Variants in NPHP3 observed in about 807,000 individuals in gnomAD.
The protein encoded by NPHP3 is nephrocystin-3.
A neutral mutation model predicts 171.9 loss-of-function variants in NPHP3; 123 were observed. The observed-to-expected ratio is 0.72, with a 90% CI of 0.62 to 0.83. NPHP3 has a LOEUF of 0.83. NPHP3 is among the 40% of genes least tolerant of loss of function. The probability of loss-of-function intolerance (pLI) is 0.00; values close to 1 mark genes in which losing one functional copy is unlikely to be tolerated. For missense variants in NPHP3, 1,506 were observed against 1,591.9 expected (o/e 0.95, Z 0.92); for synonymous variants, 558 against 579.2 (o/e 0.96, Z 0.52).
chr3:132,699,214 A>C (rs1939538923), intron 13 of NPHP3, 139 bp downstream of exon 13: 1 of 646,864 alleles, frequency 1.5e-6, no homozygotes, highest in Non-Finnish European at 2.7e-6. Flanking sequence ...TTTTTTTTTC[A>C]TAAATTCACC....
At chr3:132,718,692 G>A (rs1385302020) in intron 3 of NPHP3, among the ~76,000 whole-genome samples, 1 of 152,148 alleles carries the variant, frequency 6.6e-6, no homozygotes, top group Non-Finnish European at 1.5e-5. Flanking sequence ...CTTTCCCTTG[G>A]CTAAAATGCA....
intron 23 of NPHP3, chr3:132,685,691 T>C (rs1346565964): frequency 6.5e-6 from 1 of 153,992 alleles, no homozygotes; most frequent in Non-Finnish European, 1.4e-5. Context: ...GCACAATATC[T>C]ACACAAACTC....
chr3:132,683,661 T>C, intron 24 of NPHP3, 137 bp from the exon 25 acceptor site: 1 of 654,358 alleles, frequency 1.5e-6, no homozygotes, highest in Non-Finnish European at 2.6e-6. Context: ...CCTATCAGCT[T>C]AATGATTAAG....
At chr3:132,688,069 T>C (rs1939206779) in intron 21 of NPHP3, among the ~76,000 whole-genome samples, 1 of 152,184 alleles carries the variant, frequency 6.6e-6, no homozygotes, top group South Asian at 2.1e-4. Context: ...AAAACCCAAA[T>C]TCTGAAATGC....
In NPHP3 at chr3:132,697,337, G is replaced by A. The variant is rs764570299; in HGVS notation, c.2011C>T (p.Pro671Ser). Residue 671 changes from proline to serine, a missense_variant, in exon 14 of 27, where the codon CCC (proline) becomes TCC (serine). By Grantham distance (74) the Pro-to-Ser change is moderately conservative. Around this residue, in one of 3 missense-constraint regions of NPHP3, gnomAD observed 930 missense variants for 924.9 expected, o/e 1.01. Coordinates refer to ENST00000337331, the MANE Select transcript of NPHP3 (RefSeq NM_153240.5). ...WRLWPTLHLD[P>S]LSPKDAKSII... ...GATTTTGCATCTTTTGGACTTAAGG[G>A]ATCAAGATGAAGTGTAGGCCACAAC... 6.2e-7 allele frequency: 1 copy of A among 1,611,162 alleles called. No homozygotes were observed. The highest frequency in any genetic ancestry group is 2.2e-5 in the East Asian group (1 of 44,784).
In NPHP3 at chr3:132,701,780, T is replaced by C. The variant is rs564796435; in HGVS notation, c.1525-247A>G. Among the ~76,000 whole-genome samples, 34 of 152,272 alleles carry C rather than the reference T, an allele frequency of 2.2e-4. 1 individual carries two copies. The South Asian group carries it at 5.0e-3, about 22-fold the overall frequency. Reference sequence around the variant, plus strand: ...GCTCACGCCTGTAATCCCAGCACTTTGGGAGGCTGAGGCGGGTGGATCATG... The same window carrying C: ...GCTCACGCCTGTAATCCCAGCACTTCGGGAGGCTGAGGCGGGTGGATCATG... On this transcript the variant is annotated intron_variant, in intron 9 of 26. Coordinates refer to ENST00000337331, the MANE Select transcript of NPHP3 (RefSeq NM_153240.5).
At chr3:132,684,422 A>T in intron 24 of NPHP3, 132 bp downstream of exon 24, 1 of 834,304 alleles carries the variant, frequency 1.2e-6, no homozygotes, top group Non-Finnish European at 1.9e-6. Flanking sequence ...GTTACTTGTT[A>T]AAAGTTAAAT....
chr3:132,717,220 A>T (rs1002391696), intron 3 of NPHP3: 1 of 320,674 alleles, frequency 3.1e-6, no homozygotes, highest in South Asian at 3.0e-5. Flanking sequence ...ATTCTAAAAA[A>T]CATTTCCAAC....
chr3:132,682,280 T>G (rs1939051112), intron 26 of NPHP3, 190 bp from the exon 27 acceptor site: 1 of 616,890 alleles, frequency 1.6e-6, no homozygotes, highest in African/African-American at 1.8e-5. Context: ...ATCAGTATTT[T>G]TGTGTCTCAT....
rs1232925085 is a variant in NPHP3 at position 132,696,778 on chromosome 3, T to C, written c.2124A>G (p.Thr708=). Residue 708 remains threonine (T), a synonymous_variant, in exon 15 of 27, where the codon ACA becomes ACG. Transcript: ENST00000337331. The stretch of plus-strand genomic sequence containing the variant: ...GGGTGACATAAAGGGCATTGCAGGT[T>C]GTAGCAGAACGACAGTGTCGTTCTA... ...KKLERHCRSA[T]TCNALYVTLF... is the part of the protein sequence containing the mutation. 3 of 1,614,022 alleles carry C rather than the reference T, an allele frequency of 1.9e-6. No individual in the cohort carries two copies. The highest frequency in any genetic ancestry group is 2.5e-6 in the Non-Finnish European group (3 of 1,180,014).
In NPHP3 at chr3:132,716,868, C is replaced by G. The variant is rs147399998; in HGVS notation, c.712G>C (p.Gly238Arg). The change falls in exon 4 of 27, where the codon GGA becomes CGA. Residue 238 changes from glycine to arginine, a missense_variant. Physicochemically the swap from Gly to Arg is moderately radical, Grantham distance 125. Around this residue, in one of 3 missense-constraint regions of NPHP3, gnomAD observed 930 missense variants for 924.9 expected, o/e 1.01. Coordinates refer to ENST00000337331, the MANE Select transcript of NPHP3 (RefSeq NM_153240.5). The part of the protein sequence containing the change: ...QCEYWTGGAL[G>R]SEPSIGSMIQ... ...ATGCTTCCTATGGAAGGTTCACTTC[C>G]CAAGGCTCCGCCAGTCCAATATTCA... 1.2e-5 allele frequency: 20 copies of G among 1,614,034 alleles called. No homozygotes were observed. The highest frequency in any genetic ancestry group is 1.5e-5 in the Non-Finnish European group (18 of 1,180,022).
At chr3:132,721,773 C>A (rs1940228229) in intron 1 of NPHP3, 190 bp downstream of exon 1, 3 of 795,920 alleles carry the variant, frequency 3.8e-6, no homozygotes, top group Non-Finnish European at 4.2e-6. Context: ...CGCAGCGAGA[C>A]CCTGTCTCCA....
At chr3:132,690,786 AAGTT>A (rs1939280387) in intron 18 of NPHP3, 136 bp from the exon 19 acceptor site, 6 of 882,088 alleles carry the variant, frequency 6.8e-6, no homozygotes, top group Non-Finnish European at 1.0e-5. Context: ...AATACTAAAA[AAGTT>A]AGGTCAAAAT....
At chr3:132,685,011 C>G in intron 23 of NPHP3, 1 of 533,564 alleles carries the variant, frequency 1.9e-6, no homozygotes, top group Non-Finnish European at 3.3e-6. Flanking sequence ...GGATGATTGC[C>G]TCAATTCTCC....
chr3:132,718,076 T>C (rs1940106504), intron 3 of NPHP3: 1 of 454,460 alleles, frequency 2.2e-6, no homozygotes, highest in African/African-American at 2.0e-5. Context: ...CCTTAAAAGT[T>C]AGCAATAAAA....
At chr3:132,685,602 C>T (rs1289771026) in intron 23 of NPHP3, 1 of 152,072 alleles carries the variant, frequency 6.6e-6, no homozygotes, top group African/African-American at 2.4e-5. Flanking sequence ...AATCCTTTTG[C>T]CCAAATAAAC....
In NPHP3 at chr3:132,705,832, A is replaced by G; in HGVS notation, c.1276-18T>C. 1 of 1,346,252 alleles carries G rather than the reference A, an allele frequency of 7.4e-7. No individual in the cohort carries two copies. Among genetic ancestry groups the G allele is most frequent in the Non-Finnish European group, 1.1e-6 (1 of 939,220 alleles). The allele number at this position is 1,346,252 out of a possible 1,614,324, so 83.4% of individuals were successfully genotyped here. A position where few individuals can be genotyped will look rare whatever the true frequency, so the allele number is the denominator to read the frequency against. ...TCAATGATCTAGATAAAAATCATTT[A>G]AGAACAATGAGAAAAACCATAATAT... On this transcript the variant is annotated intron_variant, in intron 7 of 26. Transcript: ENST00000337331.
At chr3:132,691,526 T>G (rs995395155) in intron 17 of NPHP3, among the ~76,000 whole-genome samples, 3 of 151,974 alleles carry the variant, frequency 2.0e-5, no homozygotes, top group Admixed American at 6.5e-5. Context: ...AGTTAATACA[T>G]TAAAAATCTC....
chr3:132,704,517 C>A, intron 8 of NPHP3, 146 bp from the exon 9 acceptor site: 1 of 641,148 alleles, frequency 1.6e-6, no homozygotes, highest in Non-Finnish European at 2.8e-6. Context: ...CAAGAATAAA[C>A]TGATAACTAC....
Sources: allele counts gnomAD v4.1 joint callset (sites outside exome capture counted in the v4.1 genomes callset), GRCh38; gene constraint gnomAD v4.1.1; regional missense constraint gnomAD v4.1.1; transcripts MANE v1.5; gene names NCBI Gene and HGNC (gene_info 2026-07-23, HGNC 2026-07-21).